DOCK1: variants seen among roughly 807,000 people sequenced by gnomAD.
DOCK1 encodes the protein dedicator of cytokinesis protein 1.
In DOCK1, 138 loss-of-function variants were observed where a neutral mutation model predicts 262.7. The ratio of observed to expected loss-of-function variants is 0.53; its 90% confidence interval spans 0.46 to 0.61. DOCK1 has a LOEUF of 0.61. DOCK1 is among the 20% of genes least tolerant of loss of function. The probability of loss-of-function intolerance (pLI) is 0.00; values close to 1 mark genes in which losing one functional copy is unlikely to be tolerated. For synonymous variants in DOCK1, 866 were observed against 867.4 expected, an observed-to-expected ratio of 1.00 and a Z score of 0.03; for missense variants, 1,908 against 2,370.7, an observed-to-expected ratio of 0.80 and a Z score of 4.05.
intron 29 of DOCK1, among the ~76,000 whole-genome samples, chr10:127,323,899 C>A (rs2062645333): frequency 6.6e-6 from 1 of 152,204 alleles, no homozygotes; most frequent in Non-Finnish European, 1.5e-5. Flanking sequence ...TTCAGTGCTT[C>A]CCTCACTGCT....
chr10:126,960,723 A>AATATATATATATATATATATATATAT (rs1159655828), intron 1 of DOCK1, among the ~76,000 whole-genome samples: 41 of 134,630 alleles, frequency 3.0e-4, no homozygotes, highest in Non-Finnish European at 5.1e-4. Context: ...CCTACCCTCA[A>AATATATATATATATATATATATATAT]ATATATATAT....
At chr10:127,082,507 C>T (rs186150926) in intron 23 of DOCK1, among the ~76,000 whole-genome samples, 123 of 152,156 alleles carry the variant, frequency 8.1e-4, no homozygotes, top group African/African-American at 2.7e-3. Context: ...TTTATAAAAC[C>T]GTCAGATCAC....
chr10:127,033,975 C>T (rs923189534), intron 18 of DOCK1, among the ~76,000 whole-genome samples: 2 of 152,110 alleles, frequency 1.3e-5, no homozygotes, highest in Non-Finnish European at 2.9e-5. Flanking sequence ...ATGCATTTCT[C>T]GAACCATTTA....
At chr10:127,167,728 C>T (rs770205915) in intron 27 of DOCK1, among the ~76,000 whole-genome samples, 125 of 152,074 alleles carry the variant, frequency 8.2e-4, no homozygotes, top group African/African-American at 2.9e-3. Flanking sequence ...CTCCCCTGCC[C>T]GTGACACCAA....
intron 1 of DOCK1, among the ~76,000 whole-genome samples, chr10:126,922,072 C>T (rs1376157289): frequency 1.3e-5 from 2 of 151,692 alleles, no homozygotes; most frequent in African/African-American, 4.8e-5. Flanking sequence ...ATTAGCCAGG[C>T]GTGGTGGCAC....
At chr10:126,974,984 A>G in intron 2 of DOCK1, among the ~76,000 whole-genome samples, 1 of 152,076 alleles carries the variant, frequency 6.6e-6, no homozygotes, top group East Asian at 1.9e-4. Context: ...TTTCATGCCT[A>G]CTGCTTGGCC....
chr10:127,270,554 C>G (rs896631177), intron 29 of DOCK1, among the ~76,000 whole-genome samples: 3 of 142,604 alleles, frequency 2.1e-5, no homozygotes. Flanking sequence ...TCTCTTCCTT[C>G]CTTCCTTCCT....
Position 127,175,134 on chromosome 10 carries a change from A to G in DOCK1, c.2847+47370A>G. On this transcript the variant is annotated intron_variant, in intron 27 of 51. Transcript: ENST00000623213. The surrounding 1 kb of genome is among the most constrained non-coding windows in gnomAD (Gnocchi z 6.3). ...AATGCTGGCTTTAGTCTCATTACAG[A>G]CTTGGGTTTGGGGCTACAGATGGAC... 4.0e-6 allele frequency: 5 copies of G among 1,253,358 alleles called. No individual in the cohort carries two copies. The highest frequency in any genetic ancestry group is 5.7e-6 in the Non-Finnish European group (5 of 883,766). 77.6% of individuals were successfully genotyped at this position (1,253,358 alleles called of 1,614,324 possible).
chr10:127,061,926 GTGCTT>G, intron 23 of DOCK1, 150 bp downstream of exon 23: 1 of 391,320 alleles, frequency 2.6e-6, no homozygotes, highest in Non-Finnish European at 4.3e-6. Context: ...TTCAAGAGCT[GTGCTT>G]TTTTTTTTTT....
chr10:127,131,113 G>A (rs552409199), intron 27 of DOCK1, among the ~76,000 whole-genome samples: 72 of 152,288 alleles, frequency 4.7e-4, no homozygotes, highest in African/African-American at 1.3e-3. Context: ...GAGTTCCTCA[G>A]GAAGAAGCCT....
intron 33 of DOCK1, among the ~76,000 whole-genome samples, chr10:127,372,252 A>T (rs1454070263): frequency 1.3e-5 from 2 of 152,226 alleles, no homozygotes; most frequent in Admixed American, 6.5e-5. Flanking sequence ...GTCTGTGTCC[A>T]TTTGGAGGCC....
At chr10:127,149,541 A>G (rs2052274334) in intron 27 of DOCK1, among the ~76,000 whole-genome samples, 1 of 152,314 alleles carries the variant, frequency 6.6e-6, no homozygotes, top group East Asian at 1.9e-4. Context: ...TGAACACAGT[A>G]TCCTTTTCAT....
intron 3 of DOCK1, among the ~76,000 whole-genome samples, chr10:126,980,473 G>A (rs1351033476): frequency 6.6e-6 from 1 of 152,156 alleles, no homozygotes; most frequent in African/African-American, 2.4e-5. Context: ...CGAAGTGCCG[G>A]TTGCAGGTGT....
intron 32 of DOCK1, among the ~76,000 whole-genome samples, chr10:127,355,148 T>TTGTATTTAGGTACACTGCC (rs146792264): frequency 0.27 from 40,417 of 151,956 alleles, 5,831 homozygotes; most frequent in African/African-American, 0.35. Flanking sequence ...AAACCAGATC[T>TTGTATTTAGGTACACTGCC]ACCTGGTGGC....
chr10:127,155,055 A>G (rs1592264527), intron 27 of DOCK1, among the ~76,000 whole-genome samples: 1 of 152,148 alleles, frequency 6.6e-6, no homozygotes, highest in Admixed American at 6.5e-5. Flanking sequence ...TTGTGGCAGG[A>G]GAAAAGCTCC....
At chr10:127,398,459 G>A (rs1027966308) in intron 38 of DOCK1, among the ~76,000 whole-genome samples, 7 of 152,184 alleles carry the variant, frequency 4.6e-5, no homozygotes, top group East Asian at 1.9e-4. Flanking sequence ...CGGACTGAAC[G>A]CAGCCTCCTG....
chr10:127,409,184 C>T lies in DOCK1; in HGVS notation c.4264+6C>T, dbSNP rs1478727748. 1 of 1,613,636 alleles carries T rather than the reference C, an allele frequency of 6.2e-7. No individual in the cohort carries two copies. Among genetic ancestry groups the T allele is most frequent in the Non-Finnish European group, 8.5e-7 (1 of 1,179,732 alleles). Reference sequence around the variant, plus strand: ...TAAAAACTCTCCTGGCCAGTGTATCCTTTAAGACAACCTCATCAACTCTGA... The same window carrying T: ...TAAAAACTCTCCTGGCCAGTGTATCTTTTAAGACAACCTCATCAACTCTGA... On this transcript the variant is annotated splice_donor_region_variant and intron_variant, in intron 41 of 51. Coordinates refer to ENST00000623213, the MANE Select transcript of DOCK1 (RefSeq NM_001290223.2).
At position 127,100,336 on chromosome 10, in the gene DOCK1, G is replaced by C. The variant is rs2048166356; in HGVS notation, c.2446-5895G>C. 6.6e-6 allele frequency among the ~76,000 whole-genome samples: 1 copy of C among 152,180 alleles called. No individual in the cohort carries two copies. The highest frequency in any genetic ancestry group is 1.5e-5 in the Non-Finnish European group (1 of 68,030). On this transcript the variant is annotated intron_variant, in intron 23 of 51. Transcript: ENST00000623213. This position sits in a 1 kb window ranked among gnomAD's most constrained non-coding sequence, Gnocchi z 5.5. ...CGAGGGCTCTGTCGCTGCCTAGAAGGGGGCTGTGAGGAAGAGAGAACACCC... is the reference window on the plus strand; with the variant it reads ...CGAGGGCTCTGTCGCTGCCTAGAAGCGGGCTGTGAGGAAGAGAGAACACCC...
chr10:127,362,142 G>C lies in DOCK1; in HGVS notation c.3362G>C (p.Arg1121Pro), dbSNP rs543711382. ...ACATTAATTCCCGAGACGGAGCTGC[G>C]CAAAGCCACCATCCCCATCTTCTTT... ...EMTLIPETEL[R>P]KATIPIFFDM... The change falls in exon 33 of 52, where the codon CGC becomes CCC. Residue 1121 changes from arginine (R) to proline (P), a missense_variant. By Grantham distance (103) the Arg-to-Pro change is moderately radical. Around this residue, in one of 9 missense-constraint regions of DOCK1, gnomAD observed 518 missense variants for 575.1 expected, o/e 0.90. Coordinates refer to ENST00000623213, the MANE Select transcript of DOCK1 (RefSeq NM_001290223.2). 6.2e-7 allele frequency: 1 copy of C among 1,613,826 alleles called. No homozygotes were observed. The highest frequency in any genetic ancestry group is 2.2e-5 in the East Asian group (1 of 44,880).
Sources: gnomAD v4.1 joint callset for allele counts (sites outside exome capture counted in the v4.1 genomes callset) on GRCh38, gnomAD v4.1.1 for gene constraint, gnomAD v4.1.1 regional missense constraint, Gnocchi (gnomAD v3.1) non-coding constraint, MANE v1.5 for transcripts, NCBI Gene and HGNC (gene_info 2026-07-23, HGNC 2026-07-21) for gene names.